INPP4B: variants seen among roughly 807,000 people sequenced by gnomAD.
The protein encoded by INPP4B is inositol polyphosphate 4-phosphatase type II.
In INPP4B, 55 loss-of-function variants were observed where a neutral mutation model predicts 122.5. The ratio of observed to expected loss-of-function variants is 0.45; its 90% CI spans 0.36 to 0.56. INPP4B has a LOEUF of 0.56. INPP4B is among the 20% of genes least tolerant of loss of function. The pLI is 0.00. For synonymous variants in INPP4B, 403 were observed against 388.7 expected (o/e 1.04, Z -0.43); for missense variants, 1,000 against 1,097.7 (o/e 0.91, Z 1.26).
chr4:142,205,173 G>T (rs1483382946), intron 14 of INPP4B, among the ~76,000 whole-genome samples: 1 of 152,028 alleles, frequency 6.6e-6, no homozygotes, highest in Non-Finnish European at 1.5e-5. Flanking sequence ...TCATTTTCAA[G>T]AAAGAAATAT....
intron 12 of INPP4B, among the ~76,000 whole-genome samples, chr4:142,221,329 G>T (rs756173857): frequency 2.2e-5 from 3 of 136,920 alleles, no homozygotes; most frequent in Admixed American, 7.8e-5. Context: ...GAACCCGGGA[G>T]TAGTGAGCCA....
Position 142,702,679 on chromosome 4 carries a change from G to A in INPP4B, c.-191+23160C>T, listed in dbSNP as rs184846977. Among the ~76,000 whole-genome samples the A allele has an allele frequency of 3.8e-3, 515 of 134,278 alleles. 2 individuals carry two copies. The highest frequency in any genetic ancestry group is 0.014 in the African/African-American group (472 of 34,668). The allele number at this position is 134,278 out of a possible 152,430, so 88.1% of individuals were successfully genotyped here. On this transcript the variant is annotated intron_variant, in intron 2 of 25. Coordinates refer to ENST00000262992, the MANE Select transcript of INPP4B (RefSeq NM_001101669.3). ...TGGGAGGCGGAGGTTGCGGTGAGCC[G>A]AGATCACGCCATTGCACTCCAGCCT...
At position 142,314,749 on chromosome 4, in the gene INPP4B, A is replaced by C; in HGVS notation, c.386T>G (p.Val129Gly). The change falls in exon 8 of 26, where the codon GTC becomes GGC. Residue 129 changes from valine (V) to glycine (G), a missense_variant. Val to Gly is a moderately radical substitution (Grantham distance 109, BLOSUM62 -3). Coordinates refer to ENST00000262992, the MANE Select transcript of INPP4B (RefSeq NM_001101669.3). ...CGGGGGATCCTTATGTTCTGGTAGG[A>C]CACTGGTTCGAACCTGTGGAGAAAA... ...DKSHDTVRTSVLPEHKDPPPE... is the reference protein window; with the variant it reads ...DKSHDTVRTSGLPEHKDPPPE... 6.3e-7 allele frequency: 1 copy of C among 1,597,844 alleles called. No individual in the cohort carries two copies. Among genetic ancestry groups the C allele is most frequent in the South Asian group, 1.2e-5 (1 of 86,694 alleles).
chr4:142,304,703 C>T (rs193002275), intron 9 of INPP4B, among the ~76,000 whole-genome samples: 7 of 152,134 alleles, frequency 4.6e-5, no homozygotes, highest in Non-Finnish European at 7.4e-5. Context: ...AAATGGTATT[C>T]TATGCAATTT....
chr4:142,191,802 A>C (rs181795458), intron 15 of INPP4B, among the ~76,000 whole-genome samples: 435 of 152,352 alleles, frequency 2.9e-3, no homozygotes, highest in Non-Finnish European at 4.9e-3. Flanking sequence ...AAAAGCAAAC[A>C]AAAATGAACA....
rs1756824582 is a variant in INPP4B, at chr4:142,670,399, T to G, written c.-191+55440A>C. Among the ~76,000 whole-genome samples the G allele has an allele frequency of 4.6e-5, 7 of 152,246 alleles. No homozygotes were observed. The South Asian group carries it at 1.5e-3, about 32-fold the overall frequency. The stretch of plus-strand genomic sequence containing the variant: ...AAGGTACTGAATCAACCTAAGCAAA[T>G]GTCCATCAGTGGATAAATAGGTGAA... On this transcript the variant is annotated intron_variant, in intron 2 of 25. Coordinates refer to ENST00000262992, the MANE Select transcript of INPP4B (RefSeq NM_001101669.3).
chr4:142,371,017 T>C (rs1789696023), intron 7 of INPP4B, among the ~76,000 whole-genome samples: 1 of 152,030 alleles, frequency 6.6e-6, no homozygotes, highest in South Asian at 2.1e-4. Flanking sequence ...GGCACCACAC[T>C]ACCTGACTTC....
chr4:142,075,933 C>T (rs1017989886), intron 25 of INPP4B, among the ~76,000 whole-genome samples: 9 of 152,044 alleles, frequency 5.9e-5, no homozygotes, highest in Non-Finnish European at 1.2e-4. Flanking sequence ...GTATTTGTTT[C>T]AATTAGATTC....
Position 142,186,421 on chromosome 4 carries a change from C to T in INPP4B, c.1181+6666G>A, listed in dbSNP as rs78996651. ...TTCAAATCTACACTGGGAGCGGAGT[C>T]TATGAATTGTCTGAGATGAAAGTTT... On this transcript the variant is annotated intron_variant, in intron 15 of 25. Coordinates refer to ENST00000262992, the MANE Select transcript of INPP4B (RefSeq NM_001101669.3). Among the ~76,000 whole-genome samples, 451 of 152,276 alleles carry T rather than the reference C, an allele frequency of 3.0e-3. 2 individuals are homozygous for T. The highest frequency in any genetic ancestry group is 0.01 in the African/African-American group (417 of 41,552).
chr4:142,558,793 T>TAAAA lies in INPP4B; in HGVS notation c.-190-96071_-190-96068dup, dbSNP rs34151070. Among the ~76,000 whole-genome samples the TAAAA allele has an allele frequency of 6.3e-3, 477 of 75,418 alleles. 20 individuals carry two copies. The highest frequency in any genetic ancestry group is 7.2e-3 in the African/African-American group (142 of 19,806). 49.5% of individuals were successfully genotyped at this position (75,418 alleles called of 152,430 possible). Reference sequence around the variant, plus strand: ...CTGGGCGACAGAGCAAGACTCCCTCTAAAAAAAAAAAAAAAAAAAAAAAAA... The same window carrying TAAAA: ...CTGGGCGACAGAGCAAGACTCCCTCTAAAAAAAAAAAAAAAAAAAAAAAAAAAAA... On this transcript the variant is annotated intron_variant, in intron 2 of 25. Transcript: ENST00000262992.
intron 2 of INPP4B, among the ~76,000 whole-genome samples, chr4:142,519,594 A>G (rs1159011032): frequency 6.6e-6 from 1 of 152,148 alleles, no homozygotes; most frequent in Non-Finnish European, 1.5e-5. Context: ...TAAAGCAAAT[A>G]TGAATTCCTT....
intron 2 of INPP4B, among the ~76,000 whole-genome samples, chr4:142,494,615 TTTG>T (rs1328278513): frequency 6.6e-6 from 1 of 152,238 alleles, no homozygotes; most frequent in Non-Finnish European, 1.5e-5. Context: ...ATTGATAGCT[TTTG>T]TTTTCTTTCC....
At chr4:142,078,507 C>G (rs1772080233) in intron 25 of INPP4B, among the ~76,000 whole-genome samples, 1 of 151,950 alleles carries the variant, frequency 6.6e-6, no homozygotes, top group South Asian at 2.1e-4. Flanking sequence ...ACTATGTTCA[C>G]TGGGTACTGT....
intron 15 of INPP4B, among the ~76,000 whole-genome samples, chr4:142,192,197 A>C (rs767991967): frequency 2.6e-5 from 4 of 151,662 alleles, no homozygotes; most frequent in Non-Finnish European, 5.9e-5. Context: ...GGATTGAAAA[A>C]CTACCTATTA....
intron 2 of INPP4B, among the ~76,000 whole-genome samples, chr4:142,518,428 T>A (rs1044135888): frequency 1.3e-5 from 2 of 152,166 alleles, no homozygotes; most frequent in Admixed American, 6.6e-5. Flanking sequence ...GATATTTTCA[T>A]TACCCTGAAT....
intron 9 of INPP4B, among the ~76,000 whole-genome samples, chr4:142,297,478 G>C (rs1759256477): frequency 6.6e-6 from 1 of 152,164 alleles, no homozygotes; most frequent in Non-Finnish European, 1.5e-5. Context: ...CCATCCTAGA[G>C]ATAATGAGTG....
intron 2 of INPP4B, among the ~76,000 whole-genome samples, chr4:142,561,929 C>A (rs574734157): frequency 6.2e-4 from 95 of 152,062 alleles, no homozygotes; most frequent in African/African-American, 2.0e-3. Context: ...TTTCTATGTT[C>A]ATTTCAAACC....
At chr4:142,639,474 G>A (rs1580585895) in intron 2 of INPP4B, among the ~76,000 whole-genome samples, 2 of 152,070 alleles carry the variant, frequency 1.3e-5, no homozygotes, top group East Asian at 3.9e-4. Flanking sequence ...TTGTGTCTTT[G>A]TAGTAATTGG....
At chr4:142,200,146 T>A (rs1840036947) in intron 14 of INPP4B, among the ~76,000 whole-genome samples, 1 of 151,976 alleles carries the variant, frequency 6.6e-6, no homozygotes, top group Non-Finnish European at 1.5e-5. Context: ...TATAGACCCA[T>A]GGGAATTTTT....
Sources: allele counts gnomAD v4.1 joint callset (sites outside exome capture counted in the v4.1 genomes callset), GRCh38; gene constraint gnomAD v4.1.1; transcripts MANE v1.5; gene names NCBI Gene and HGNC (gene_info 2026-07-23, HGNC 2026-07-21).